ZNRF1: variants seen among roughly 807,000 people sequenced by gnomAD.
The protein encoded by ZNRF1 is E3 ubiquitin-protein ligase ZNRF1.
ZNRF1 carries 3 observed loss-of-function variants against 18.4 expected under a neutral mutation model. The observed-to-expected ratio is 0.16, with a 90% CI of 0.07 to 0.42. The LOEUF (loss-of-function observed/expected upper bound fraction) is 0.42, where lower values mean the gene tolerates loss of function less well. ZNRF1 is among the 10% of genes least tolerant of loss of function. The pLI, the probability that ZNRF1 is intolerant of heterozygous loss-of-function variation, is 0.99. For synonymous variants in ZNRF1, 157 were observed against 144.2 expected (o/e 1.09, Z -0.64); for missense variants, 310 against 329.8 (o/e 0.94, Z 0.47).
chr16:75,016,079 C>T (rs1597859052), intron 1 of ZNRF1, among the ~76,000 whole-genome samples: 1 of 151,290 alleles, frequency 6.6e-6, no homozygotes, highest in African/African-American at 2.4e-5. Flanking sequence ...TGCCACCACA[C>T]CCAGCTAATT....
At chr16:75,024,700 G>A (rs2035198000) in intron 1 of ZNRF1, among the ~76,000 whole-genome samples, 2 of 152,256 alleles carry the variant, frequency 1.3e-5, no homozygotes, top group South Asian at 4.1e-4. Flanking sequence ...AGTTGGAAAG[G>A]CTGAACTCGC....
At position 75,000,106 on chromosome 16, in the gene ZNRF1, G is replaced by T; in HGVS notation, c.424+11G>T. ...TCAGCTCGCATAGTGGTGAGTCCGC[G>T]GGTGGTGGAGGCCTCGGAGGGAGGG... On this transcript the variant is annotated intron_variant, in intron 1 of 4. Coordinates refer to ENST00000335325, the MANE Select transcript of ZNRF1 (RefSeq NM_032268.5). 2 of 1,594,226 alleles carry T rather than the reference G, an allele frequency of 1.3e-6. No individual in the cohort carries two copies. Among genetic ancestry groups the T allele is most frequent in the Non-Finnish European group, 1.7e-6 (2 of 1,171,952 alleles).
chr16:75,085,809 A>AGAGAGT (rs2036066195), intron 1 of ZNRF1, among the ~76,000 whole-genome samples: 3 of 147,446 alleles, frequency 2.0e-5, no homozygotes, highest in African/African-American at 7.9e-5. Context: ...AGAGAGAGAG[A>AGAGAGT]GAGAGAGAGT....
rs772006500 is a variant in ZNRF1, at chr16:74,999,988, C to T, written c.317C>T (p.Thr106Met). The T allele has an allele frequency of 6.3e-7, 1 of 1,585,146 alleles. No individual in the cohort carries two copies. The highest frequency in any genetic ancestry group is 1.2e-5 in the South Asian group (1 of 86,776). Residue 106 changes from threonine (T) to methionine (M), a missense_variant, in exon 1 of 5, where the codon ACG becomes ATG. Thr to Met is a moderately conservative substitution (Grantham distance 81, BLOSUM62 -1). Around this residue, in one of 2 missense-constraint regions of ZNRF1, gnomAD observed 293 missense variants for 291.2 expected, o/e 1.01. Transcript: ENST00000335325. ...TYAHGNGYQE[T>M]GGGHHRDGML... Reference sequence around the variant, plus strand: ...GCCCATGGCAATGGTTACCAGGAGACGGGCGGCGGTCACCATAGAGACGGG... The same window carrying T: ...GCCCATGGCAATGGTTACCAGGAGATGGGCGGCGGTCACCATAGAGACGGG...
chr16:75,047,697 C>A (rs2035534325), intron 1 of ZNRF1, among the ~76,000 whole-genome samples: 1 of 152,124 alleles, frequency 6.6e-6, no homozygotes, highest in Non-Finnish European at 1.5e-5. Flanking sequence ...ATAATCATAT[C>A]ACAGCTGTTT....
intron 1 of ZNRF1, among the ~76,000 whole-genome samples, chr16:75,029,949 G>C (rs560148019): frequency 7.3e-5 from 11 of 151,698 alleles, no homozygotes; most frequent in African/African-American, 2.4e-4. Flanking sequence ...TGTAATCCCA[G>C]CTACTCAAGA....
At chr16:75,010,712 T>TTTTTG (rs1491364616) in intron 1 of ZNRF1, among the ~76,000 whole-genome samples, 3,342 of 43,464 alleles carry the variant, frequency 0.077, 129 homozygotes, top group Middle Eastern at 0.15. Flanking sequence ...TTTTTTTTTG[T>TTTTTG]TTTTTTGTTT....
intron 1 of ZNRF1, among the ~76,000 whole-genome samples, chr16:75,020,699 A>G (rs2035134191): frequency 6.6e-6 from 1 of 151,448 alleles, no homozygotes; most frequent in Admixed American, 6.6e-5. Flanking sequence ...TCGCCACCAC[A>G]CCCAGCTAAT....
chr16:75,059,896 T>C (rs541317562), intron 1 of ZNRF1, among the ~76,000 whole-genome samples: 10 of 152,306 alleles, frequency 6.6e-5, no homozygotes, highest in African/African-American at 2.4e-4. Flanking sequence ...TTCACTCCTT[T>C]ACAAAGTCTA....
chr16:75,065,178 C>G (rs969067248), intron 1 of ZNRF1, among the ~76,000 whole-genome samples: 1 of 152,180 alleles, frequency 6.6e-6, no homozygotes, highest in Admixed American at 6.5e-5. Flanking sequence ...GAGCTGAAGA[C>G]GAGGAAAAGC....
intron 1 of ZNRF1, among the ~76,000 whole-genome samples, chr16:75,011,164 C>T (rs78986461): frequency 6.6e-6 from 1 of 152,190 alleles, no homozygotes; most frequent in African/African-American, 2.4e-5. Flanking sequence ...GGAGAAGGTG[C>T]CTTTTTTGGA....
chr16:75,103,778 A>G (rs2036279787), intron 2 of ZNRF1, among the ~76,000 whole-genome samples: 1 of 152,072 alleles, frequency 6.6e-6, no homozygotes, highest in Admixed American at 6.5e-5. Context: ...CGAGGTCAGG[A>G]GTTCGAGACC....
At chr16:75,095,003 C>G (rs2036181126) in intron 2 of ZNRF1, 2 of 152,176 alleles carry the variant, frequency 1.3e-5, no homozygotes, top group Admixed American at 1.3e-4. Context: ...CCTGCAGCCT[C>G]CTCACTCCCA....
chr16:75,077,421 A>G (rs1253367038), intron 1 of ZNRF1, among the ~76,000 whole-genome samples: 1 of 152,206 alleles, frequency 6.6e-6, no homozygotes, highest in Admixed American at 6.5e-5. Context: ...AGTCCCAGCT[A>G]TTCGGGAGGC....
intron 1 of ZNRF1, among the ~76,000 whole-genome samples, chr16:75,041,839 A>G (rs2035451919): frequency 6.6e-6 from 1 of 151,054 alleles, no homozygotes; most frequent in African/African-American, 2.4e-5. Flanking sequence ...AAATATATAT[A>G]TATAAAATTA....
At chr16:75,045,522 C>A (rs182671550) in intron 1 of ZNRF1, among the ~76,000 whole-genome samples, 1 of 150,922 alleles carries the variant, frequency 6.6e-6, no homozygotes, top group African/African-American at 2.4e-5. Flanking sequence ...CAGTGTCAAT[C>A]GCTGGCTTTA....
intron 2 of ZNRF1, among the ~76,000 whole-genome samples, chr16:75,094,150 G>A (rs1301808265): frequency 2.0e-5 from 3 of 152,288 alleles, no homozygotes; most frequent in East Asian, 3.9e-4. Flanking sequence ...GTTCGAACTC[G>A]GACGAACACC....
intron 1 of ZNRF1, among the ~76,000 whole-genome samples, chr16:75,002,862 A>C (rs1347433982): frequency 6.6e-6 from 1 of 152,184 alleles, no homozygotes; most frequent in Non-Finnish European, 1.5e-5. Flanking sequence ...CGTTCTTCAC[A>C]CGAATTTCTC....
chr16:75,069,950 C>T (rs550904783), intron 1 of ZNRF1, among the ~76,000 whole-genome samples: 7 of 152,124 alleles, frequency 4.6e-5, no homozygotes, highest in Non-Finnish European at 8.8e-5. Flanking sequence ...ACCCAGTTGC[C>T]CAAGCGAGCT....
Sources: allele counts gnomAD v4.1 joint callset (sites outside exome capture counted in the v4.1 genomes callset), GRCh38; gene constraint gnomAD v4.1.1; regional missense constraint gnomAD v4.1.1; transcripts MANE v1.5; gene names NCBI Gene and HGNC (gene_info 2026-07-23, HGNC 2026-07-21).